The following LPP variants were observed in gnomAD, a reference collection of about 807,000 sequenced individuals.
LPP encodes the protein lipoma-preferred partner.
LPP carries 38 observed loss-of-function variants against 60.4 expected under a neutral mutation model. The ratio of observed to expected loss-of-function variants is 0.63; its 90% confidence interval spans 0.49 to 0.83. The LOEUF (loss-of-function observed/expected upper bound fraction) is 0.83. Ranked by LOEUF, LPP falls within the 40% of genes least tolerant of loss-of-function variation. The pLI is 0.00. For missense variants in LPP, 902 were observed against 783.6 expected (o/e 1.15, Z -1.80); for synonymous variants, 328 against 290.8 (o/e 1.13, Z -1.30).
intron 7 of LPP, among the ~76,000 whole-genome samples, chr3:188,674,272 A>T (rs1857535911): frequency 6.6e-6 from 1 of 151,994 alleles, no homozygotes; most frequent in African/African-American, 2.4e-5. Context: ...TTCCCTGACA[A>T]TTTTTCCTTC....
intron 4 of LPP, among the ~76,000 whole-genome samples, chr3:188,423,364 G>C (rs148629280): frequency 2.0e-5 from 3 of 152,236 alleles, no homozygotes; most frequent in African/African-American, 7.2e-5. Flanking sequence ...ATTTGGATTG[G>C]TTCCAAATCT....
intron 6 of LPP, among the ~76,000 whole-genome samples, chr3:188,590,146 G>A (rs1838350801): frequency 6.6e-6 from 1 of 151,572 alleles, no homozygotes. Flanking sequence ...TAAAATGTAT[G>A]ATTTCTTTTA....
rs1455792909 is a variant in LPP, at chr3:188,198,528, G to C, written c.-189-26877G>C. Among the ~76,000 whole-genome samples the C allele has an allele frequency of 2.6e-5, 4 of 152,172 alleles. No individual in the cohort carries two copies. In the South Asian group the frequency reaches 6.2e-4, roughly 24 times the overall value. On this transcript the variant is annotated intron_variant, in intron 1 of 11. Transcript: ENST00000617246. Reference sequence around the variant, plus strand: ...TGACATTGTAGGCACTGGGTGGAGTGCTCCTCACACGACCTCTCATCTCAT... The same window carrying C: ...TGACATTGTAGGCACTGGGTGGAGTCCTCCTCACACGACCTCTCATCTCAT...
chr3:188,490,675 C>T (rs34768213), intron 5 of LPP, among the ~76,000 whole-genome samples: 82,150 of 150,882 alleles, frequency 0.54, 25,487 homozygotes, highest in Non-Finnish European at 0.69. Context: ...CATTTTCCTA[C>T]TTACTAATTT....
chr3:188,289,026 A>G (rs1049199387), intron 2 of LPP, among the ~76,000 whole-genome samples: 7 of 152,206 alleles, frequency 4.6e-5, no homozygotes, highest in African/African-American at 1.4e-4. Context: ...ATAACATTAA[A>G]TTGATGCCTT....
At chr3:188,749,271 A>T (rs1044045342) in intron 8 of LPP, among the ~76,000 whole-genome samples, 6 of 152,164 alleles carry the variant, frequency 3.9e-5, no homozygotes, top group Non-Finnish European at 8.8e-5. Context: ...GCATCTTGAG[A>T]GAGTGCTACA....
intron 5 of LPP, among the ~76,000 whole-genome samples, chr3:188,488,917 A>C (rs369675322): frequency 6.6e-6 from 1 of 152,100 alleles, no homozygotes; most frequent in African/African-American, 2.4e-5. Flanking sequence ...GATTACAGGC[A>C]TGATCCACCG....
Position 188,339,468 on chromosome 3 carries a change from A to G in LPP, c.-66-2195A>G, listed in dbSNP as rs1373544240. Among the ~76,000 whole-genome samples the G allele has an allele frequency of 3.3e-5, 5 of 152,334 alleles. No individual in the cohort carries two copies. In the East Asian group the frequency reaches 9.7e-4, roughly 29 times the overall value. On this transcript the variant is annotated intron_variant, in intron 2 of 11. Transcript: ENST00000617246. ...GCCAGAGACCACGTAATTTATAAAG[A>G]AAGAGGTTTAATTGACTCACAGTTC...
chr3:188,538,576 G>C (rs74604510), intron 6 of LPP, among the ~76,000 whole-genome samples: 1 of 152,128 alleles, frequency 6.6e-6, no homozygotes, highest in African/African-American at 2.4e-5. Flanking sequence ...AACATCATAC[G>C]TTGCTGGTGG....
intron 8 of LPP, among the ~76,000 whole-genome samples, chr3:188,755,799 G>A (rs1729955792): frequency 9.1e-6 from 1 of 110,164 alleles, no homozygotes; most frequent in Admixed American, 1.1e-4. Context: ...AACAGAGTGA[G>A]ATCCTGTCAC....
intron 4 of LPP, among the ~76,000 whole-genome samples, chr3:188,445,687 G>C (rs1344669246): frequency 6.6e-6 from 1 of 151,636 alleles, no homozygotes; most frequent in African/African-American, 2.4e-5. Flanking sequence ...CATTTATTCA[G>C]GCAATGTTTG....
intron 11 of LPP, among the ~76,000 whole-genome samples, chr3:188,873,700 G>A (rs1262879346): frequency 6.6e-6 from 1 of 152,124 alleles, no homozygotes; most frequent in Non-Finnish European, 1.5e-5. Flanking sequence ...GCAGACTGTA[G>A]CAAAACTGTG....
intron 7 of LPP, among the ~76,000 whole-genome samples, chr3:188,618,106 T>C (rs1845188560): frequency 1.3e-5 from 2 of 152,224 alleles, no homozygotes; most frequent in South Asian, 4.1e-4. Context: ...AAAGACACTA[T>C]TTTTACTACT....
At chr3:188,193,493 TACA>T (rs1248661968) in intron 1 of LPP, among the ~76,000 whole-genome samples, 1 of 152,244 alleles carries the variant, frequency 6.6e-6, no homozygotes, top group Non-Finnish European at 1.5e-5. Flanking sequence ...TTGCCTGGCA[TACA>T]ACAAGTGCCA....
intron 9 of LPP, among the ~76,000 whole-genome samples, chr3:188,772,637 G>A (rs1200109182): frequency 6.6e-6 from 1 of 152,138 alleles, no homozygotes; most frequent in African/African-American, 2.4e-5. Context: ...TGGGACTACA[G>A]GTGCCCGCCA....
At chr3:188,343,083 A>G (rs1302368028) in intron 3 of LPP, among the ~76,000 whole-genome samples, 1 of 152,170 alleles carries the variant, frequency 6.6e-6, no homozygotes, top group African/African-American at 2.4e-5. Context: ...GTAGGTATAC[A>G]TGTGCCATGG....
intron 1 of LPP, among the ~76,000 whole-genome samples, chr3:188,209,309 A>G (rs1402571908): frequency 6.6e-6 from 1 of 152,232 alleles, no homozygotes; most frequent in Non-Finnish European, 1.5e-5. Flanking sequence ...AGACTGGGAA[A>G]TCATTTAATA....
intron 7 of LPP, among the ~76,000 whole-genome samples, chr3:188,619,641 C>T (rs144549344): frequency 3.9e-5 from 6 of 152,236 alleles, no homozygotes; most frequent in East Asian, 1.9e-4. Context: ...CAACAGAGAC[C>T]GTATGGCCTA....
chr3:188,563,453 CAT>C lies in LPP; in HGVS notation c.429+38673_429+38674del, dbSNP rs1353826175. Among the ~76,000 whole-genome samples the C allele has an allele frequency of 3.8e-5, 5 of 130,762 alleles. No homozygotes were observed. The East Asian group carries it at 1.0e-3, about 26-fold the overall frequency. 85.8% of individuals were successfully genotyped at this position (130,762 alleles called of 152,430 possible). The stretch of plus-strand genomic sequence containing the variant: ...ATCTATACATTTATGTATACATTTA[CAT>C]ATATATGTGTGTGTGTGTGTGTGTG... On this transcript the variant is annotated intron_variant, in intron 6 of 11. Transcript: ENST00000617246.
Sources: gnomAD v4.1 joint callset for allele counts (sites outside exome capture counted in the v4.1 genomes callset) on GRCh38, gnomAD v4.1.1 for gene constraint, MANE v1.5 for transcripts, NCBI Gene and HGNC (gene_info 2026-07-23, HGNC 2026-07-21) for gene names.